The following LRRC7 variants were observed in gnomAD, a reference collection of about 807,000 sequenced individuals.
The protein encoded by LRRC7 is leucine rich repeat containing 7, also known as leucine-rich repeat-containing protein 7.
In LRRC7, 23 loss-of-function variants were observed where a neutral mutation model predicts 175.7. The ratio of observed to expected loss-of-function variants is 0.13; its 90% CI spans 0.09 to 0.19. The LOEUF (loss-of-function observed/expected upper bound fraction) is 0.19, where lower values mean the gene tolerates loss of function less well. LRRC7 is among the 10% of genes least tolerant of loss of function. The pLI is 1.00. For synonymous variants in LRRC7, 685 were observed against 680.9 expected (o/e 1.01, Z -0.09); for missense variants, 1,354 against 1,904.7 (o/e 0.71, Z 5.38).
At chr1:69,587,969 G>A (rs1646471970) in intron 1 of LRRC7, among the ~76,000 whole-genome samples, 1 of 152,096 alleles carries the variant, frequency 6.6e-6, no homozygotes, top group Admixed American at 6.6e-5. Context: ...ATGTGCATTT[G>A]ATATTCTGGC....
intron 10 of LRRC7, among the ~76,000 whole-genome samples, chr1:69,988,192 T>G (rs1412422456): frequency 1.3e-5 from 2 of 152,190 alleles, no homozygotes; most frequent in African/African-American, 4.8e-5. Context: ...AGAACATATT[T>G]TTCTTCATTA....
In LRRC7 at chr1:69,907,062, G is replaced by C. The variant is rs201502081; in HGVS notation, c.648-24445G>C. Among the ~76,000 whole-genome samples, 6 of 152,056 alleles carry C rather than the reference G, an allele frequency of 3.9e-5. No individual in the cohort carries two copies. In the East Asian group the frequency reaches 5.8e-4, roughly 15 times the overall value. Reference sequence around the variant, plus strand: ...TCACTCATGATTTGGCTCTCTGTTTGTCTGTTCTTGGTGTATAAGAATGCT... The same window carrying C: ...TCACTCATGATTTGGCTCTCTGTTTCTCTGTTCTTGGTGTATAAGAATGCT... On this transcript the variant is annotated intron_variant, in intron 7 of 26. Coordinates refer to ENST00000651989, the MANE Select transcript of LRRC7 (RefSeq NM_001370785.2).
intron 7 of LRRC7, among the ~76,000 whole-genome samples, chr1:69,904,614 C>A (rs761717268): frequency 1.1e-4 from 16 of 151,680 alleles, no homozygotes; most frequent in Non-Finnish European, 2.2e-4. Context: ...TATATATTTT[C>A]TATTTCTTTT....
intron 8 of LRRC7, among the ~76,000 whole-genome samples, chr1:69,966,756 C>T (rs373908994): frequency 3.9e-5 from 6 of 152,164 alleles, no homozygotes; most frequent in African/African-American, 1.4e-4. Context: ...TCTGACCTTA[C>T]CTGGAGCTGA....
chr1:69,729,369 A>T (rs1421403666), intron 2 of LRRC7, among the ~76,000 whole-genome samples: 7 of 152,140 alleles, frequency 4.6e-5, no homozygotes, highest in African/African-American at 1.7e-4. Context: ...CAAGTCCCTT[A>T]TATCTGTGAG....
intron 1 of LRRC7, among the ~76,000 whole-genome samples, chr1:69,673,421 G>A: frequency 6.6e-6 from 1 of 152,170 alleles, no homozygotes; most frequent in East Asian, 1.9e-4. Context: ...TGAGTTGTTA[G>A]AGCATCTGTC....
chr1:69,809,152 G>T (rs975397187), intron 4 of LRRC7, among the ~76,000 whole-genome samples: 7 of 152,104 alleles, frequency 4.6e-5, no homozygotes, highest in Admixed American at 4.6e-4. Flanking sequence ...ACACCTCTAT[G>T]CAAATAAACT....
At chr1:69,674,785 C>T (rs1340634316) in intron 1 of LRRC7, among the ~76,000 whole-genome samples, 1 of 152,066 alleles carries the variant, frequency 6.6e-6, no homozygotes, top group Non-Finnish European at 1.5e-5. Flanking sequence ...AATTTCTAAG[C>T]TAATTTTTTT....
intron 2 of LRRC7, among the ~76,000 whole-genome samples, chr1:69,680,239 G>A (rs187396186): frequency 6.6e-6 from 1 of 152,212 alleles, no homozygotes; most frequent in East Asian, 1.9e-4. Context: ...AAGCTCTGCA[G>A]GAGATTCTGA....
rs1411921330 is a variant in LRRC7, at chr1:70,127,090, C to G, written c.*5203C>G. ...CAGGAACCTGGAGTAGTAGCATTAA[C>G]TAAGGCCCAAAGATGGAGTGCTTAT... On this transcript the variant is annotated 3_prime_UTR_variant, in exon 27 of 27. Coordinates refer to ENST00000651989, the MANE Select transcript of LRRC7 (RefSeq NM_001370785.2). Among the ~76,000 whole-genome samples, 2 of 152,208 alleles carry G rather than the reference C, an allele frequency of 1.3e-5. No individual in the cohort carries two copies. The highest frequency in any genetic ancestry group is 2.9e-5 in the Non-Finnish European group (2 of 68,038).
At chr1:69,617,914 C>G (rs1335342073) in intron 1 of LRRC7, among the ~76,000 whole-genome samples, 1 of 152,054 alleles carries the variant, frequency 6.6e-6, no homozygotes, top group Non-Finnish European at 1.5e-5. Context: ...ATCCAAAGCC[C>G]CATACATGAT....
intron 3 of LRRC7, among the ~76,000 whole-genome samples, chr1:69,763,043 A>C (rs1195753465): frequency 1.3e-5 from 2 of 152,076 alleles, no homozygotes; most frequent in Non-Finnish European, 2.9e-5. Flanking sequence ...GGTATGATCC[A>C]AACAGTACAT....
At chr1:69,937,859 A>G (rs1265650951) in intron 8 of LRRC7, among the ~76,000 whole-genome samples, 1 of 152,002 alleles carries the variant, frequency 6.6e-6, no homozygotes, top group Non-Finnish European at 1.5e-5. Context: ...ATCCTTAAAG[A>G]GAGGCTTTCT....
At chr1:69,775,811 G>C (rs1266254474) in intron 3 of LRRC7, among the ~76,000 whole-genome samples, 1 of 152,158 alleles carries the variant, frequency 6.6e-6, no homozygotes, top group Admixed American at 6.5e-5. Context: ...ACTGTATTCT[G>C]TTGTTAGAGA....
chr1:70,025,427 G>A (rs1334084433), intron 17 of LRRC7, among the ~76,000 whole-genome samples: 2 of 151,818 alleles, frequency 1.3e-5, no homozygotes, highest in Admixed American at 6.6e-5. Flanking sequence ...AAAAGATCCA[G>A]ACAGTTACAG....
intron 3 of LRRC7, among the ~76,000 whole-genome samples, chr1:69,775,228 G>T (rs1037481152): frequency 5.3e-5 from 8 of 152,154 alleles, no homozygotes; most frequent in Non-Finnish European, 1.2e-4. Context: ...AAGGTAAAAA[G>T]TAAAAATGTA....
intron 7 of LRRC7, among the ~76,000 whole-genome samples, chr1:69,910,189 C>G (rs2101698773): frequency 6.6e-6 from 1 of 152,208 alleles, no homozygotes; most frequent in Middle Eastern, 3.4e-3. Context: ...CTCAGCTCGT[C>G]AAAGTCATTC....
intron 26 of LRRC7, among the ~76,000 whole-genome samples, chr1:70,113,109 A>G (rs1665630460): frequency 6.6e-6 from 1 of 152,196 alleles, no homozygotes; most frequent in South Asian, 2.1e-4. Flanking sequence ...TTCAGACTCC[A>G]CAAAGAGAAG....
intron 14 of LRRC7, among the ~76,000 whole-genome samples, chr1:70,017,162 C>T (rs1184765689): frequency 3.3e-5 from 5 of 151,562 alleles, no homozygotes; most frequent in African/African-American, 1.2e-4. Flanking sequence ...GTAATCCCAG[C>T]TACTCGGGAG....
Sources: gnomAD v4.1 joint callset for allele counts (sites outside exome capture counted in the v4.1 genomes callset) on GRCh38, gnomAD v4.1.1 for gene constraint, MANE v1.5 for transcripts, NCBI Gene and HGNC (gene_info 2026-07-23, HGNC 2026-07-21) for gene names.